YEATS2: variants seen among roughly 807,000 people sequenced by gnomAD.
YEATS2 encodes the protein YEATS domain containing 2, also known as YEATS domain-containing protein 2.
YEATS2 carries 77 observed loss-of-function variants against 163.2 expected under a neutral mutation model. That is an observed-to-expected ratio of 0.47 (90% confidence interval 0.39 to 0.57). YEATS2 has a LOEUF of 0.57. YEATS2 is among the 20% of genes least tolerant of loss of function. The pLI is 0.00. For missense variants in YEATS2, 1,549 were observed against 1,729.8 expected, an observed-to-expected ratio of 0.90 and a Z score of 1.85; for synonymous variants, 631 against 645.1, an observed-to-expected ratio of 0.98 and a Z score of 0.33.
At chr3:183,743,906 A>G (rs1254213822) in intron 8 of YEATS2, among the ~76,000 whole-genome samples, 1 of 152,026 alleles carries the variant, frequency 6.6e-6, no homozygotes, top group South Asian at 2.1e-4. Flanking sequence ...AGCTTAAGCC[A>G]TGCTGAAATT....
intron 20 of YEATS2, 83 bp from the exon 21 acceptor site, chr3:183,790,714 T>C (rs1193505815): frequency 2.2e-5 from 31 of 1,441,508 alleles, no homozygotes; most frequent in Non-Finnish European, 3.0e-5. Context: ...ATTTAGTGTG[T>C]GTGCTGTGTG....
intron 2 of YEATS2, among the ~76,000 whole-genome samples, chr3:183,716,027 T>C (rs959741388): frequency 5.3e-5 from 8 of 152,170 alleles, no homozygotes; most frequent in Non-Finnish European, 1.2e-4. Context: ...TGGCGTGATC[T>C]CGGCTCACTG....
chr3:183,790,103 A>G (rs111530231), intron 20 of YEATS2, among the ~76,000 whole-genome samples: 1 of 152,062 alleles, frequency 6.6e-6, no homozygotes, highest in Admixed American at 6.6e-5. Context: ...AACTTTCTAC[A>G]TACTCTCCTC....
intron 15 of YEATS2, 104 bp downstream of exon 15, chr3:183,762,383 C>T (rs1407457018): frequency 7.3e-7 from 1 of 1,373,058 alleles, no homozygotes; most frequent in African/African-American, 1.5e-5. Flanking sequence ...TTGATGATCC[C>T]ATAAGAACCT....
At chr3:183,792,291 C>T (rs1724728471) in intron 21 of YEATS2, among the ~76,000 whole-genome samples, 1 of 152,110 alleles carries the variant, frequency 6.6e-6, no homozygotes. Flanking sequence ...GCTCTCCCTT[C>T]CCTTGCCCCG....
intron 14 of YEATS2, 67 bp downstream of exon 14, chr3:183,761,681 C>T (rs1721368374): frequency 1.4e-6 from 2 of 1,385,010 alleles, no homozygotes; most frequent in Admixed American, 1.7e-5. Flanking sequence ...GAGTTCATTG[C>T]CACTACCCCT....
At chr3:183,747,989 C>G (rs895473321) in intron 9 of YEATS2, among the ~76,000 whole-genome samples, 2 of 151,526 alleles carry the variant, frequency 1.3e-5, no homozygotes, top group Non-Finnish European at 2.9e-5. Context: ...AGGTGTGCGC[C>G]ACTGCACCTG....
chr3:183,786,445 T>C, intron 20 of YEATS2, 144 bp downstream of exon 20: 2 of 785,838 alleles, frequency 2.5e-6, no homozygotes, highest in Admixed American at 3.1e-5. Flanking sequence ...TCACATACCA[T>C]AAAAGTCCCC....
intron 15 of YEATS2, among the ~76,000 whole-genome samples, chr3:183,764,368 T>TAAAAAAAAAAAA: frequency 9.5e-6 from 1 of 105,228 alleles, no homozygotes; most frequent in Non-Finnish European, 1.8e-5. Context: ...AAACTCTGTT[T>TAAAAAAAAAAAA]AAAAAAAAAA....
chr3:183,810,348 CTG>C lies in YEATS2; in HGVS notation c.4161-124_4161-123del, dbSNP rs1726673625. 10 of 779,792 alleles carry C rather than the reference CTG, an allele frequency of 1.3e-5. No homozygotes were observed. The East Asian group carries it at 2.7e-4, about 21-fold the overall frequency. 48.3% of individuals were successfully genotyped at this position (779,792 alleles called of 1,614,324 possible). On this transcript the variant is annotated intron_variant, in intron 30 of 30. Transcript: ENST00000305135. ...ACCCCAGAGTGGCCCTAAGCTATGT[CTG>C]TGGCTCAGGAGCCCTCTCCACGGGG...
At chr3:183,803,194 A>G (rs1287775553) in intron 25 of YEATS2, 62 bp from the exon 26 acceptor site, 72 of 1,564,526 alleles carry the variant, frequency 4.6e-5, no homozygotes, top group Non-Finnish European at 6.1e-5. Flanking sequence ...GCCTCCAGCA[A>G]ATGACGTGTG....
intron 10 of YEATS2, 108 bp downstream of exon 10, chr3:183,752,361 A>AT: frequency 7.5e-7 from 1 of 1,331,750 alleles, no homozygotes; most frequent in Non-Finnish European, 1.0e-6. Context: ...ATAAGTGGAC[A>AT]TGCTGCCTCT....
At chr3:183,798,838 A>G (rs1725401539) in intron 22 of YEATS2, 53 bp from the exon 23 acceptor site, 1 of 1,409,128 alleles carries the variant, frequency 7.1e-7, no homozygotes. Flanking sequence ...GATCACCCTC[A>G]TTAAAAATAA....
intron 13 of YEATS2, among the ~76,000 whole-genome samples, chr3:183,760,334 T>TC (rs1310842909): frequency 6.7e-6 from 1 of 149,336 alleles, no homozygotes; most frequent in African/African-American, 2.5e-5. Flanking sequence ...TTTTTTTTTT[T>TC]TTTTGAGACA....
Position 183,728,840 on chromosome 3 carries a change from T to G in YEATS2, c.801T>G (p.Leu267=), listed in dbSNP as rs199875923. 1 of 1,609,626 alleles carries G rather than the reference T, an allele frequency of 6.2e-7. No individual in the cohort carries two copies. The highest frequency in any genetic ancestry group is 8.5e-7 in the Non-Finnish European group (1 of 1,178,794). The change falls in exon 7 of 31, where the codon CTT becomes CTG. Residue 267 remains leucine, a synonymous_variant. Transcript: ENST00000305135. ...FLHPSYKPND[L]VEVREPPFHL... ...ATCCTAGCTATAAACCAAATGACCT[T>G]GTGGAAGTTAGGTAAGCACGCTTGA...
At chr3:183,744,459 T>C (rs1411702686) in intron 8 of YEATS2, among the ~76,000 whole-genome samples, 2 of 152,156 alleles carry the variant, frequency 1.3e-5, no homozygotes, top group African/African-American at 4.8e-5. Context: ...CAGCACATAC[T>C]ACCTTATGTT....
chr3:183,788,740 T>C (rs1317837694), intron 20 of YEATS2, among the ~76,000 whole-genome samples: 1 of 152,226 alleles, frequency 6.6e-6, no homozygotes, highest in African/African-American at 2.4e-5. Context: ...CTATCGTGAT[T>C]GTACTAACTT....
chr3:183,755,768 T>G (rs1400167288), intron 11 of YEATS2, among the ~76,000 whole-genome samples: 8 of 102,950 alleles, frequency 7.8e-5, no homozygotes, highest in African/African-American at 2.7e-4. Flanking sequence ...TTTTTTTTTT[T>G]TTGAGACAGA....
intron 4 of YEATS2, 63 bp from the exon 5 acceptor site, chr3:183,721,828 G>T: frequency 1.3e-6 from 2 of 1,587,720 alleles, no homozygotes; most frequent in Non-Finnish European, 1.7e-6. Context: ...GGAGAGATCA[G>T]ATTTTTGCCT....
Sources: gnomAD v4.1 joint callset for allele counts (sites outside exome capture counted in the v4.1 genomes callset) on GRCh38, gnomAD v4.1.1 for gene constraint, MANE v1.5 for transcripts, NCBI Gene and HGNC (gene_info 2026-07-23, HGNC 2026-07-21) for gene names.